The following PPP1R12B variants were observed in gnomAD, a reference collection of about 807,000 sequenced individuals.
The protein encoded by PPP1R12B is protein phosphatase 1 regulatory subunit 12B, also known as myosin phosphatase target subunit 2.
PPP1R12B carries 76 observed loss-of-function variants against 126.1 expected under a neutral mutation model. That is an observed-to-expected ratio of 0.60 (90% confidence interval 0.50 to 0.73). The LOEUF is 0.73. Ranked by LOEUF, PPP1R12B falls within the 30% of genes least tolerant of loss-of-function variation. The pLI is 0.00. For missense variants in PPP1R12B, 1,052 were observed against 1,205.1 expected (o/e 0.87, Z 1.88); for synonymous variants, 356 against 434.7 (o/e 0.82, Z 2.25).
chr1:202,564,232 G>A (rs1687835248), intron 20 of PPP1R12B, among the ~76,000 whole-genome samples: 1 of 152,014 alleles, frequency 6.6e-6, no homozygotes, highest in African/African-American at 2.4e-5. Flanking sequence ...TAACATTATT[G>A]AAGTTGGAGC....
chr1:202,367,964 TTTTTTTTG>T (rs1414010550), intron 1 of PPP1R12B, among the ~76,000 whole-genome samples: 1 of 151,922 alleles, frequency 6.6e-6, no homozygotes. Context: ...GAGATCTGTT[TTTTTTTTG>T]TTTTTTTGTT....
chr1:202,475,650 T>A (rs1344765429), intron 13 of PPP1R12B, among the ~76,000 whole-genome samples: 2 of 152,144 alleles, frequency 1.3e-5, no homozygotes, highest in Non-Finnish European at 2.9e-5. Context: ...TGTTTTAGCA[T>A]CTCCTTAGGC....
intron 19 of PPP1R12B, among the ~76,000 whole-genome samples, chr1:202,561,451 G>A: frequency 6.6e-6 from 1 of 151,612 alleles, no homozygotes; most frequent in Admixed American, 6.6e-5. Context: ...CGGTCATAGT[G>A]GTAAGTATAG....
At chr1:202,449,671 A>G (rs1672692521) in intron 13 of PPP1R12B, among the ~76,000 whole-genome samples, 1 of 151,748 alleles carries the variant, frequency 6.6e-6, no homozygotes, top group Non-Finnish European at 1.5e-5. Flanking sequence ...ATAGACACTT[A>G]ACGCCGTTAT....
chr1:202,465,830 C>T (rs934285973), intron 13 of PPP1R12B, among the ~76,000 whole-genome samples: 38 of 152,146 alleles, frequency 2.5e-4, no homozygotes, highest in African/African-American at 8.9e-4. Flanking sequence ...GAGTATGATT[C>T]ACAGTCCTTG....
chr1:202,443,025 C>T (rs1048280216), intron 12 of PPP1R12B: 1 of 866,342 alleles, frequency 1.2e-6, no homozygotes, highest in Non-Finnish European at 1.4e-6. Flanking sequence ...AAGTTTCATA[C>T]TGAAGCCTGT....
chr1:202,490,627 A>G (rs1478224516), intron 14 of PPP1R12B, among the ~76,000 whole-genome samples: 2 of 152,250 alleles, frequency 1.3e-5, no homozygotes, highest in Admixed American at 6.5e-5. Flanking sequence ...TGTATCCATT[A>G]AATAATTACT....
At chr1:202,446,826 G>A (rs1433431640) in intron 12 of PPP1R12B, among the ~76,000 whole-genome samples, 3 of 151,354 alleles carry the variant, frequency 2.0e-5, no homozygotes, top group African/African-American at 7.3e-5. Flanking sequence ...ATGCAGAGCT[G>A]GCTTAGTAGC....
At chr1:202,375,811 C>T (rs1661088819) in intron 1 of PPP1R12B, among the ~76,000 whole-genome samples, 1 of 152,226 alleles carries the variant, frequency 6.6e-6, no homozygotes, top group Non-Finnish European at 1.5e-5. Context: ...CCCTCAGACT[C>T]CCAAAATGCT....
At chr1:202,569,080 T>C (rs1688337392) in intron 22 of PPP1R12B, 67 bp from the exon 23 acceptor site, 2 of 1,530,452 alleles carry the variant, frequency 1.3e-6, no homozygotes, top group African/African-American at 2.7e-5. Context: ...ACACAGCAGC[T>C]GGGAGGCAGC....
At chr1:202,516,181 A>G (rs913136552) in intron 18 of PPP1R12B, among the ~76,000 whole-genome samples, 3 of 152,232 alleles carry the variant, frequency 2.0e-5, no homozygotes, top group Non-Finnish European at 4.4e-5. Flanking sequence ...CTTAGCCGCC[A>G]TGATGATCAT....
rs908228833 is a variant in PPP1R12B at position 202,589,544 on chromosome 1, T to C, written c.*8984T>C. On this transcript the variant is annotated 3_prime_UTR_variant, in exon 24 of 24. Transcript: ENST00000608999. ...ATGCAAAGGGTTCCTAGACTGCAAA[T>C]GTCATTTCTCTTTCTGACCCCCACT... is the stretch of plus-strand genomic sequence containing the variant. The C allele has an allele frequency of 2.6e-5, 4 of 152,230 alleles. No homozygotes were observed. The highest frequency in any genetic ancestry group is 5.9e-5 in the Non-Finnish European group (4 of 68,096). 9.4% of individuals were successfully genotyped at this position (152,230 alleles called of 1,614,324 possible).
chr1:202,577,296 C>T (rs921591956), intron 23 of PPP1R12B: 4 of 152,170 alleles, frequency 2.6e-5, no homozygotes, highest in Non-Finnish European at 2.9e-5. Context: ...CATATGAACA[C>T]GAACATTATA....
intron 13 of PPP1R12B, among the ~76,000 whole-genome samples, chr1:202,461,548 A>G (rs1674311159): frequency 1.3e-5 from 2 of 152,168 alleles, no homozygotes; most frequent in South Asian, 4.1e-4. Context: ...ATTTGGAAAT[A>G]AGATCCACCC....
chr1:202,573,871 A>G lies in PPP1R12B; in HGVS notation c.2862+4674A>G, dbSNP rs530869491. Among the ~76,000 whole-genome samples the G allele has an allele frequency of 1.1e-4, 17 of 152,286 alleles. No individual in the cohort carries two copies. In the East Asian group the frequency reaches 1.5e-3, roughly 14 times the overall value. On this transcript the variant is annotated intron_variant, in intron 23 of 23. Coordinates refer to ENST00000608999, the MANE Select transcript of PPP1R12B (RefSeq NM_002481.4). ...GTTTCTCCAGCTTTTTTGCACAGCT[A>G]TAATTTCCAGAGTATGAGTCTGTTT...
intron 10 of PPP1R12B, chr1:202,438,785 C>T (rs1337341248): frequency 1.7e-5 from 13 of 760,842 alleles, no homozygotes; most frequent in South Asian, 5.7e-5. Context: ...ACAACTGTGA[C>T]GTCATCCAGG....
chr1:202,579,951 A>C (rs1255447662), intron 23 of PPP1R12B, among the ~76,000 whole-genome samples: 2 of 152,190 alleles, frequency 1.3e-5, no homozygotes, highest in Admixed American at 1.3e-4. Context: ...AGGATGCTTA[A>C]ATCATCTTGT....
intron 18 of PPP1R12B, among the ~76,000 whole-genome samples, chr1:202,516,556 TTC>T (rs1558322938): frequency 6.6e-6 from 1 of 152,130 alleles, no homozygotes; most frequent in Non-Finnish European, 1.5e-5. Flanking sequence ...TTGATGGATT[TTC>T]TGGGAATTAA....
intron 18 of PPP1R12B, among the ~76,000 whole-genome samples, chr1:202,551,889 C>T (rs1203747543): frequency 1.3e-5 from 2 of 152,170 alleles, no homozygotes; most frequent in Admixed American, 6.5e-5. Context: ...GCAGTGGGTA[C>T]CTGAAACCTC....
Sources: gnomAD v4.1 joint callset for allele counts (sites outside exome capture counted in the v4.1 genomes callset) on GRCh38, gnomAD v4.1.1 for gene constraint, MANE v1.5 for transcripts, NCBI Gene and HGNC (gene_info 2026-07-23, HGNC 2026-07-21) for gene names.